The following OR2T33 variants were observed in gnomAD, a reference collection of about 807,000 sequenced individuals.
OR2T33 encodes olfactory receptor 2T33.
OR2T33 carries 10 observed loss-of-function variants against 14.0 expected under a neutral mutation model. The ratio of observed to expected loss-of-function variants is 0.72; its 90% confidence interval spans 0.44 to 1.22. OR2T33 has a LOEUF of 1.22. Among genes scored for constraint, OR2T33 ranks in the 50% most tolerant of loss-of-function variants. The pLI is 0.00. For missense variants in OR2T33, 276 were observed against 405.9 expected (o/e 0.68, Z 2.75); for synonymous variants, 103 against 159.4 (o/e 0.65, Z 2.66).
intron 1 of OR2T33, among the ~76,000 whole-genome samples, chr1:248,276,547 A>G (rs1404101757): frequency 1.3e-5 from 2 of 152,142 alleles, no homozygotes; most frequent in East Asian, 1.9e-4. Flanking sequence ...GATTCTCTAA[A>G]TGCTTATACT....
intron 1 of OR2T33, among the ~76,000 whole-genome samples, chr1:248,274,909 C>T (rs919591820): frequency 4.6e-5 from 7 of 152,068 alleles, no homozygotes; most frequent in Admixed American, 4.6e-4. Context: ...AGTAACTGAG[C>T]TAACAAAAAT....
chr1:248,277,036 T>G (rs1373114474), intron 1 of OR2T33, among the ~76,000 whole-genome samples: 1 of 151,478 alleles, frequency 6.6e-6, no homozygotes, highest in African/African-American at 2.4e-5. Flanking sequence ...TGGGCTGTTA[T>G]TAATTCTAAG....
Position 248,272,968 on chromosome 1 carries a change from G to T in OR2T33, c.847C>A (p.Leu283Ile). 9 of 1,614,134 alleles carry T rather than the reference G, an allele frequency of 5.6e-6. No homozygotes were observed. The highest frequency in any genetic ancestry group is 1.3e-5 in the African/African-American group (1 of 75,004). Residue 283 changes from leucine (L) to isoleucine (I), a missense_variant, in exon 2 of 2, where the codon CTA becomes ATA. Transcript: ENST00000641220. ...TTCACACTGTAGATGAGGGGGTTTA[G>T]TAAAGGGGTGAACATAGTATAGAAG... ...SAFYTMFTPLLNPLIYSVKNS... is the reference protein window; with the variant it reads ...SAFYTMFTPLINPLIYSVKNS...
At chr1:248,275,691 G>C (rs1351264953) in intron 1 of OR2T33, among the ~76,000 whole-genome samples, 3 of 149,816 alleles carry the variant, frequency 2.0e-5, no homozygotes, top group Admixed American at 1.3e-4. Flanking sequence ...AGAACTCAGA[G>C]TAAAATAAAA....
In OR2T33 at chr1:248,273,411, C is replaced by A; in HGVS notation, c.404G>T (p.Ser135Ile). The change falls in exon 2 of 2, where the codon AGC becomes ATC. Residue 135 changes from serine (S) to isoleucine (I), a missense_variant. Physicochemically the swap from Ser to Ile is moderately radical, Grantham distance 142. Transcript: ENST00000641220. ...CHPLRYPTLM[S>I]WQLCLRMTMS... ...GGTCATCCTCAGGCACAGCTGCCAG[C>A]TCATGAGAGTGGGATATCGGAGTGG... The A allele has an allele frequency of 6.2e-7, 1 of 1,612,530 alleles. No homozygotes were observed. Among genetic ancestry groups the A allele is most frequent in the Non-Finnish European group, 8.5e-7 (1 of 1,179,944 alleles).
At position 248,275,587 on chromosome 1, in the gene OR2T33, T is replaced by C. The variant is rs544672260; in HGVS notation, c.-8-1765A>G. Among the ~76,000 whole-genome samples, 10 of 152,322 alleles carry C rather than the reference T, an allele frequency of 6.6e-5. No homozygotes were observed. The East Asian group carries it at 1.9e-3, about 29-fold the overall frequency. ...GGATAAAGGAGGGCAGGACTTGATA[T>C]TAAAAAGTCCTTGTTTAAAAATCAC... On this transcript the variant is annotated intron_variant, in intron 1 of 1. Transcript: ENST00000641220.
rs1389289224 is a variant in OR2T33, at chr1:248,271,445, A to C, written c.*1407T>G. The C allele has an allele frequency of 1.3e-5, 2 of 152,208 alleles. No individual in the cohort carries two copies. Among genetic ancestry groups the C allele is most frequent in the East Asian group, 3.8e-4 (2 of 5,196 alleles). 9.4% of individuals were successfully genotyped at this position (152,208 alleles called of 1,614,324 possible). A position where few individuals can be genotyped will look rare whatever the true frequency, so the allele number is the denominator to read the frequency against. ...AGAGTAGCAAACAAAAGTATCAAACAGATGACACTCTCTCCTTTCATCCTC... is the reference window on the plus strand; with the variant it reads ...AGAGTAGCAAACAAAAGTATCAAACCGATGACACTCTCTCCTTTCATCCTC... On this transcript the variant is annotated 3_prime_UTR_variant, in exon 2 of 2. Coordinates refer to ENST00000641220, the MANE Select transcript of OR2T33 (RefSeq NM_001004695.2).
chr1:248,273,164 A>C lies in OR2T33; in HGVS notation c.651T>G (p.Gly217=). The change falls in exon 2 of 2, where the codon GGT becomes GGG. Residue 217 remains glycine, a synonymous_variant. Transcript: ENST00000641220. ...VPFSLILSSY[G]LILAAVLHMR... ...TGTGCAGAACAGCAGCGAGGATGAGACCATAGGAGGACAGGATGAGGGAAA... is the reference window on the plus strand; with the variant it reads ...TGTGCAGAACAGCAGCGAGGATGAGCCCATAGGAGGACAGGATGAGGGAAA... 1 of 1,610,190 alleles carries C rather than the reference A, an allele frequency of 6.2e-7. No homozygotes were observed. The highest frequency in any genetic ancestry group is 8.5e-7 in the Non-Finnish European group (1 of 1,178,764).
rs1297040488 is a variant in OR2T33 at position 248,271,236 on chromosome 1, T to G, written c.*1616A>C. The G allele has an allele frequency of 6.6e-6, 1 of 152,210 alleles. No individual in the cohort carries two copies. Among genetic ancestry groups the G allele is most frequent in the Non-Finnish European group, 1.5e-5 (1 of 68,018 alleles). The allele number at this position is 152,210 out of a possible 1,614,324, so 9.4% of individuals were successfully genotyped here. On this transcript the variant is annotated 3_prime_UTR_variant, in exon 2 of 2. Coordinates refer to ENST00000641220, the MANE Select transcript of OR2T33 (RefSeq NM_001004695.2). ...AGTTTACCATTTTTAGCTCAACATG[T>G]TCTAAAATAATTTCTCTGATGGTGA...
intron 1 of OR2T33, among the ~76,000 whole-genome samples, chr1:248,276,368 C>G (rs138705183): frequency 6.6e-6 from 1 of 151,920 alleles, no homozygotes; most frequent in Non-Finnish European, 1.5e-5. Context: ...TATTGCACAC[C>G]AAAACAAAAT....
intron 1 of OR2T33, among the ~76,000 whole-genome samples, chr1:248,275,721 G>A (rs1460654180): frequency 7.6e-6 from 1 of 130,736 alleles, no homozygotes; most frequent in Non-Finnish European, 1.6e-5. Context: ...AAAATAGAGT[G>A]TGCAGAGAAG....
rs934202960 is a variant in OR2T33 at position 248,271,603 on chromosome 1, A to G, written c.*1249T>C. 1.3e-5 allele frequency: 2 copies of G among 152,212 alleles called. No individual in the cohort carries two copies. Among genetic ancestry groups the G allele is most frequent in the Non-Finnish European group, 2.9e-5 (2 of 68,040 alleles). The allele number at this position is 152,212 out of a possible 1,614,324, so 9.4% of individuals were successfully genotyped here. ...AACCTGAAGCTCTAGATGAAGCAGA[A>G]AACTCCTTTCATTTGTTCTAAAACA... On this transcript the variant is annotated 3_prime_UTR_variant, in exon 2 of 2. Coordinates refer to ENST00000641220, the MANE Select transcript of OR2T33 (RefSeq NM_001004695.2).
chr1:248,272,663 C>T lies in OR2T33; in HGVS notation c.*189G>A. The stretch of plus-strand genomic sequence containing the variant: ...ACAAAGTAATCCATAGATACTACTT[C>T]ACTTGAAGAAAAGTACATAAATGCT... On this transcript the variant is annotated 3_prime_UTR_variant, in exon 2 of 2. Transcript: ENST00000641220. 1 of 718,014 alleles carries T rather than the reference C, an allele frequency of 1.4e-6. No individual in the cohort carries two copies. Among genetic ancestry groups the T allele is most frequent in the Non-Finnish European group, 2.2e-6 (1 of 451,548 alleles). 44.5% of individuals were successfully genotyped at this position (718,014 alleles called of 1,614,324 possible).
chr1:248,274,777 A>G (rs1040450575), intron 1 of OR2T33, among the ~76,000 whole-genome samples: 1 of 152,212 alleles, frequency 6.6e-6, no homozygotes, highest in African/African-American at 2.4e-5. Context: ...AAGTTATCGA[A>G]AAGATTTGCA....
At chr1:248,274,892 C>T (rs958412307) in intron 1 of OR2T33, among the ~76,000 whole-genome samples, 1 of 152,118 alleles carries the variant, frequency 6.6e-6, no homozygotes, top group African/African-American at 2.4e-5. Flanking sequence ...TTAGGAGACA[C>T]AATCAAAGTA....
chr1:248,273,243 G>C lies in OR2T33; in HGVS notation c.572C>G (p.Ser191Ter). ...GATGTACATGGCGTTTTCGAAGACTGAAGTGTCAGCACAAGCCAAACGCAC... is the reference window on the plus strand; with the variant it reads ...GATGTACATGGCGTTTTCGAAGACTCAAGTGTCAGCACAAGCCAAACGCAC... Reference protein sequence around the residue: ...VLVRLACADTSVFENAMYICC... With the variant: ...VLVRLACADT The change falls in exon 2 of 2, where the codon TCA becomes TGA. Residue 191 changes from serine to a stop codon, truncating the protein, a stop_gained. Transcript: ENST00000641220. LOFTEE classifies it high-confidence loss of function. 6.2e-7 allele frequency: 1 copy of C among 1,610,142 alleles called. No individual in the cohort carries two copies. The highest frequency in any genetic ancestry group is 8.5e-7 in the Non-Finnish European group (1 of 1,178,884).
rs1659386819 is a variant in OR2T33, at chr1:248,272,663, C to G, written c.*189G>C. 2.8e-6 allele frequency: 2 copies of G among 718,014 alleles called. No individual in the cohort carries two copies. The highest frequency in any genetic ancestry group is 5.6e-5 in the East Asian group (2 of 35,886). 44.5% of individuals were successfully genotyped at this position (718,014 alleles called of 1,614,324 possible). A position where few individuals can be genotyped will look rare whatever the true frequency, so the allele number is the denominator to read the frequency against. The stretch of plus-strand genomic sequence containing the variant: ...ACAAAGTAATCCATAGATACTACTT[C>G]ACTTGAAGAAAAGTACATAAATGCT... On this transcript the variant is annotated 3_prime_UTR_variant, in exon 2 of 2. Transcript: ENST00000641220.
rs1017903640 is a variant in OR2T33 at position 248,270,177 on chromosome 1, C to T, written c.*2675G>A. 1.4e-4 allele frequency: 22 copies of T among 152,150 alleles called. No individual in the cohort carries two copies. The highest frequency in any genetic ancestry group is 5.3e-4 in the African/African-American group (22 of 41,486). 9.4% of individuals were successfully genotyped at this position (152,150 alleles called of 1,614,324 possible). A position where few individuals can be genotyped will look rare whatever the true frequency, so the allele number is the denominator to read the frequency against. The stretch of plus-strand genomic sequence containing the variant: ...AGCAAACTATCGCAAGGACAAAAAA[C>T]CAAACACAGCATGTTCTCACTCATA... On this transcript the variant is annotated 3_prime_UTR_variant, in exon 2 of 2. Coordinates refer to ENST00000641220, the MANE Select transcript of OR2T33 (RefSeq NM_001004695.2).
At chr1:248,274,442 A>G (rs1161626579) in intron 1 of OR2T33, among the ~76,000 whole-genome samples, 2 of 152,198 alleles carry the variant, frequency 1.3e-5, no homozygotes, top group African/African-American at 4.8e-5. Flanking sequence ...TAGTTGTCTT[A>G]CTGTTAAATG....
Sources: allele counts gnomAD v4.1 joint callset (sites outside exome capture counted in the v4.1 genomes callset), GRCh38; gene constraint gnomAD v4.1.1; transcripts MANE v1.5; gene names NCBI Gene and HGNC (gene_info 2026-07-23, HGNC 2026-07-21).